The following DLGAP2 variants were observed in gnomAD, a reference collection of about 807,000 sequenced individuals.
The protein encoded by DLGAP2 is DLG associated protein 2.
Under a neutral mutation model 100.3 loss-of-function variants are expected in DLGAP2, and 26 were observed. The observed-to-expected ratio is 0.26, with a 90% CI of 0.19 to 0.36. The LOEUF (loss-of-function observed/expected upper bound fraction) is 0.36, where lower values mean the gene tolerates loss of function less well. DLGAP2 is among the 10% of genes least tolerant of loss of function. The probability of loss-of-function intolerance (pLI) is 1.00; values close to 1 mark genes in which losing one functional copy is unlikely to be tolerated. For synonymous variants in DLGAP2, 886 were observed against 630.1 expected, an observed-to-expected ratio of 1.41 and a Z score of -6.08; for missense variants, 1,858 against 1,453.2, an observed-to-expected ratio of 1.28 and a Z score of -4.53.
chr8:974,990 T>G (rs1034498766), intron 2 of DLGAP2, among the ~76,000 whole-genome samples: 5 of 152,114 alleles, frequency 3.3e-5, no homozygotes, highest in African/African-American at 1.2e-4. Flanking sequence ...TTGACGAACC[T>G]CTGACCAGGC....
At chr8:1,324,983 A>G (rs1400534095) in intron 3 of DLGAP2, among the ~76,000 whole-genome samples, 2 of 152,136 alleles carry the variant, frequency 1.3e-5, no homozygotes, top group South Asian at 2.1e-4. Flanking sequence ...CGGATTCACA[A>G]ATATCCGAAA....
At chr8:1,680,472 GAC>G (rs1798918059) in intron 12 of DLGAP2, 1 of 152,212 alleles carries the variant, frequency 6.6e-6, no homozygotes, top group Non-Finnish European at 1.5e-5. Flanking sequence ...AAGAAAGAAA[GAC>G]ATTGCCTTTA....
rs1417721172 is a variant in DLGAP2, at chr8:1,703,716, A to C, written c.*2310A>C. The C allele has an allele frequency of 6.6e-6, 1 of 152,250 alleles. No homozygotes were observed. The highest frequency in any genetic ancestry group is 1.5e-5 in the Non-Finnish European group (1 of 68,040). 9.4% of individuals were successfully genotyped at this position (152,250 alleles called of 1,614,324 possible). On this transcript the variant is annotated 3_prime_UTR_variant, in exon 15 of 15. Transcript: ENST00000637795. ...TCAATAATTATTTGTCTCAGATCCC[A>C]GATTCTATGATCCCTGCTTAAAAGA...
At chr8:998,273 T>G (rs1396962429) in intron 2 of DLGAP2, among the ~76,000 whole-genome samples, 1 of 152,118 alleles carries the variant, frequency 6.6e-6, no homozygotes, top group African/African-American at 2.4e-5. Flanking sequence ...ACTCCTCAGC[T>G]CCTACAGAGG....
At chr8:1,110,267 CAT>C (rs372739653) in intron 2 of DLGAP2, among the ~76,000 whole-genome samples, 51 of 111,466 alleles carry the variant, frequency 4.6e-4, no homozygotes, top group Admixed American at 3.1e-3. Flanking sequence ...GGGTCTGTGA[CAT>C]GTGCTGGATC....
chr8:1,020,306 C>G (rs529384066), intron 2 of DLGAP2, among the ~76,000 whole-genome samples: 1 of 152,144 alleles, frequency 6.6e-6, no homozygotes, highest in Non-Finnish European at 1.5e-5. Context: ...CCTGAGAGAA[C>G]GTTTGTATTC....
At chr8:1,030,354 A>T (rs1398362160) in intron 2 of DLGAP2, among the ~76,000 whole-genome samples, 2 of 152,162 alleles carry the variant, frequency 1.3e-5, no homozygotes, top group East Asian at 3.9e-4. Context: ...TTTCAAATAC[A>T]GTTCTGTTCA....
At chr8:893,492 G>C (rs1239683959) in intron 1 of DLGAP2, among the ~76,000 whole-genome samples, 3 of 152,224 alleles carry the variant, frequency 2.0e-5, no homozygotes, top group Non-Finnish European at 4.4e-5. Flanking sequence ...GTCTGCAGCA[G>C]ATAGGCAGGA....
intron 4 of DLGAP2, among the ~76,000 whole-genome samples, chr8:1,505,930 T>G (rs975246883): frequency 1.3e-5 from 2 of 152,188 alleles, no homozygotes; most frequent in Admixed American, 6.5e-5. Context: ...GAATGCAAAA[T>G]GAAATTTTAA....
chr8:1,553,263 TCTC>T (rs1204102740), intron 5 of DLGAP2, among the ~76,000 whole-genome samples: 1 of 152,160 alleles, frequency 6.6e-6, no homozygotes, highest in Non-Finnish European at 1.5e-5. Flanking sequence ...CTCCTGGTTT[TCTC>T]CTCTTCTAGT....
intron 3 of DLGAP2, among the ~76,000 whole-genome samples, chr8:1,330,648 G>A (rs1801132843): frequency 5.5e-5 from 8 of 146,764 alleles, no homozygotes; most frequent in Admixed American, 4.1e-4. Context: ...AGTTCTGGGT[G>A]GGACTGAGTT....
intron 3 of DLGAP2, among the ~76,000 whole-genome samples, chr8:1,267,605 A>AAATAC (rs1491118972): frequency 2.0e-5 from 2 of 99,900 alleles, no homozygotes; most frequent in African/African-American, 1.1e-4. Flanking sequence ...AGATAAGATA[A>AAATAC]GATAAGATAA....
At chr8:1,579,499 C>G (rs976298110) in intron 6 of DLGAP2, among the ~76,000 whole-genome samples, 2 of 151,634 alleles carry the variant, frequency 1.3e-5, no homozygotes, top group African/African-American at 4.8e-5. Context: ...ATAATATCGC[C>G]AAAGTAAAAT....
Position 1,673,237 on chromosome 8 carries a change from A to C in DLGAP2, c.2203-3296A>C, listed in dbSNP as rs192467168. 3.8e-3 allele frequency among the ~76,000 whole-genome samples: 585 copies of C among 152,316 alleles called. 3 individuals carry two copies. Among genetic ancestry groups the C allele is most frequent in the Middle Eastern group, 0.017 (5 of 294 alleles). The stretch of plus-strand genomic sequence containing the variant: ...TCCTACCCCCTCAGCCTTGCAGAGC[A>C]CTGGGATTATAGATGTGAGCCAGTG... On this transcript the variant is annotated intron_variant, in intron 10 of 14. Transcript: ENST00000637795.
intron 2 of DLGAP2, among the ~76,000 whole-genome samples, chr8:980,767 G>C (rs1167348750): frequency 6.6e-6 from 1 of 152,112 alleles, no homozygotes; most frequent in Non-Finnish European, 1.5e-5. Flanking sequence ...GATAGGGAAT[G>C]GGGGCTCGAC....
intron 3 of DLGAP2, among the ~76,000 whole-genome samples, chr8:1,343,768 CG>C (rs1213629575): frequency 2.0e-5 from 3 of 151,650 alleles, no homozygotes; most frequent in Admixed American, 6.6e-5. Context: ...CTCCAAGAGG[CG>C]GGGGCAGTGC....
chr8:1,207,539 G>T (rs901497380), intron 2 of DLGAP2, among the ~76,000 whole-genome samples: 1 of 152,198 alleles, frequency 6.6e-6, no homozygotes, highest in Admixed American at 6.5e-5. Flanking sequence ...GCATGTGCAA[G>T]GATCTTTTTC....
intron 6 of DLGAP2, among the ~76,000 whole-genome samples, chr8:1,602,126 G>T (rs959232397): frequency 6.6e-6 from 1 of 152,162 alleles, no homozygotes; most frequent in African/African-American, 2.4e-5. Flanking sequence ...ATGAGAGAGT[G>T]AGTGAATGTA....
rs1182919431 is a variant in DLGAP2 at position 1,282,339 on chromosome 8, G to A, written c.106+23456G>A. The stretch of plus-strand genomic sequence containing the variant: ...GGACGTGGTGTGACCTGAACCCAGC[G>A]CCCTGAACCATCTGGACGTGGTGTG... On this transcript the variant is annotated intron_variant, in intron 3 of 14. Transcript: ENST00000637795. 9.6e-4 allele frequency among the ~76,000 whole-genome samples: 110 copies of A among 114,568 alleles called. 2 individuals are homozygous for A. The highest frequency in any genetic ancestry group is 2.6e-3 in the African/African-American group (76 of 29,522). The allele number at this position is 114,568 out of a possible 152,430, so 75.2% of individuals were successfully genotyped here.
Sources: gnomAD v4.1 joint callset for allele counts (sites outside exome capture counted in the v4.1 genomes callset) on GRCh38, gnomAD v4.1.1 for gene constraint, MANE v1.5 for transcripts, NCBI Gene and HGNC (gene_info 2026-07-23, HGNC 2026-07-21) for gene names.